Variants in AQR observed in about 807,000 individuals in gnomAD.
AQR encodes the protein aquarius intron-binding spliceosomal factor, also known as RNA helicase aquarius.
AQR carries 61 observed loss-of-function variants against 180.5 expected under a neutral mutation model. The ratio of observed to expected loss-of-function variants is 0.34; its 90% CI spans 0.28 to 0.42. The LOEUF is 0.42. Ranked by LOEUF, AQR falls within the 10% of genes least tolerant of loss-of-function variation. The pLI, the probability that AQR is intolerant of heterozygous loss-of-function variation, is 1.00. For synonymous variants in AQR, 551 were observed against 588.8 expected (o/e 0.94, Z 0.93); for missense variants, 1,281 against 1,798.3 (o/e 0.71, Z 5.20).
At chr15:34,965,445 C>T (rs536085365) in intron 1 of AQR, among the ~76,000 whole-genome samples, 31 of 152,182 alleles carry the variant, frequency 2.0e-4, no homozygotes, top group African/African-American at 6.5e-4. Flanking sequence ...CCGAGGCAGG[C>T]GGATCACCTG....
intron 5 of AQR, among the ~76,000 whole-genome samples, chr15:34,945,084 T>C (rs889034283): frequency 1.3e-5 from 2 of 152,234 alleles, no homozygotes; most frequent in African/African-American, 4.8e-5. Flanking sequence ...GCCTGTTATC[T>C]AAACCGCAAT....
chr15:34,944,193 A>G (rs1410931893), intron 6 of AQR, 95 bp downstream of exon 6: 8 of 1,206,278 alleles, frequency 6.6e-6, no homozygotes, highest in Admixed American at 2.7e-5. Flanking sequence ...GCTATTATGG[A>G]TGAATGGAGT....
At chr15:34,933,672 C>T (rs187330756) in intron 10 of AQR, among the ~76,000 whole-genome samples, 175 of 152,226 alleles carry the variant, frequency 1.1e-3, no homozygotes, top group Admixed American at 1.8e-3. Context: ...AATAACTATA[C>T]TATGTAATGT....
chr15:34,897,502 C>G, intron 21 of AQR, 57 bp downstream of exon 21: 1 of 1,581,930 alleles, frequency 6.3e-7, no homozygotes, highest in Non-Finnish European at 8.7e-7. Flanking sequence ...ATTCCTAATC[C>G]AGTTGAAATG....
chr15:34,969,066 G>A (rs1286990023), intron 1 of AQR, among the ~76,000 whole-genome samples: 2 of 152,128 alleles, frequency 1.3e-5, no homozygotes, highest in African/African-American at 4.8e-5. Context: ...TCTGTTTTTA[G>A]ATAGGTCTAT....
Position 34,931,615 on chromosome 15 carries a change from T to G in AQR, c.900+703A>C, listed in dbSNP as rs545763205. ...CTTAGTTCAGGAGTGTGAGGCCACC[T>G]GGGCAACATGGTGAGACCCTGTCTC... On this transcript the variant is annotated intron_variant, in intron 11 of 34. Transcript: ENST00000156471. Among the ~76,000 whole-genome samples, 6 of 152,284 alleles carry G rather than the reference T, an allele frequency of 3.9e-5. No homozygotes were observed. In the East Asian group the frequency reaches 1.2e-3, roughly 29 times the overall value.
chr15:34,929,827 A>G (rs969407373), intron 12 of AQR, among the ~76,000 whole-genome samples: 3 of 152,362 alleles, frequency 2.0e-5, no homozygotes, highest in Middle Eastern at 3.4e-3. Flanking sequence ...CAAGAACAAG[A>G]TAAGATCAGC....
At chr15:34,879,335 A>C (rs983268396) in intron 27 of AQR, among the ~76,000 whole-genome samples, 21 of 152,198 alleles carry the variant, frequency 1.4e-4, no homozygotes, top group Admixed American at 3.9e-4. Context: ...AACTAGAGTG[A>C]GCGCAGAATG....
At position 34,962,359 on chromosome 15, in the gene AQR, A is replaced by G. The variant is rs113916442; in HGVS notation, c.133-1545T>C. On this transcript the variant is annotated intron_variant, in intron 2 of 34. Coordinates refer to ENST00000156471, the MANE Select transcript of AQR (RefSeq NM_014691.3). Reference sequence around the variant, plus strand: ...TAATTGCTCCAAGTACATTTGTGAAATAAGTATTTGTGAGTGGTAAAGGGA... The same window carrying G: ...TAATTGCTCCAAGTACATTTGTGAAGTAAGTATTTGTGAGTGGTAAAGGGA... Among the ~76,000 whole-genome samples, 25 of 152,300 alleles carry G rather than the reference A, an allele frequency of 1.6e-4. 1 individual carries two copies. Among genetic ancestry groups the G allele is most frequent in the South Asian group, 4.1e-4 (2 of 4,826 alleles).
chr15:34,857,973 GAATT>G (rs1200000934), intron 34 of AQR, among the ~76,000 whole-genome samples: 2 of 152,106 alleles, frequency 1.3e-5, no homozygotes, highest in African/African-American at 4.8e-5. Context: ...TTGAATGAAT[GAATT>G]GATTGATCGA....
chr15:34,964,511 T>C (rs1376341247), intron 1 of AQR: 1 of 639,530 alleles, frequency 1.6e-6, no homozygotes, highest in Admixed American at 2.1e-5. Context: ...GCCATTGTGA[T>C]ATAAACAAAC....
At chr15:34,863,166 T>G (rs1892695624) in intron 32 of AQR, 125 bp from the exon 33 acceptor site, 1 of 870,500 alleles carries the variant, frequency 1.1e-6, no homozygotes, top group African/African-American at 1.7e-5. Context: ...TTAAGCTTCT[T>G]AAAAACTTAA....
intron 15 of AQR, 50 bp from the exon 16 acceptor site, chr15:34,915,229 C>T (rs2044921): frequency 0.071 from 101,491 of 1,423,572 alleles, 4,196 homozygotes; most frequent in Non-Finnish European, 0.077. Flanking sequence ...TTTTTTGAGA[C>T]GGAGTCTCAC....
chr15:34,908,232 A>G (rs1340973022), intron 17 of AQR, among the ~76,000 whole-genome samples: 2 of 152,072 alleles, frequency 1.3e-5, no homozygotes, highest in Non-Finnish European at 2.9e-5. Flanking sequence ...CAGGTGGATC[A>G]CAAGACCAGC....
chr15:34,883,732 G>A (rs1194226662), intron 26 of AQR, among the ~76,000 whole-genome samples: 3 of 152,118 alleles, frequency 2.0e-5, no homozygotes, highest in Admixed American at 6.5e-5. Context: ...TTATAGGACC[G>A]CTGTAATTTT....
At chr15:34,891,638 A>C (rs1285660874) in intron 23 of AQR, among the ~76,000 whole-genome samples, 1 of 152,216 alleles carries the variant, frequency 6.6e-6, no homozygotes, top group Non-Finnish European at 1.5e-5. Flanking sequence ...AGCCATATCA[A>C]GGTATGACAA....
intron 1 of AQR, chr15:34,964,530 T>G: frequency 1.7e-6 from 1 of 598,030 alleles, no homozygotes. Flanking sequence ...ACAAACAAAA[T>G]CCTCTCCAAC....
intron 1 of AQR, among the ~76,000 whole-genome samples, chr15:34,964,856 A>G (rs1017681354): frequency 6.6e-6 from 1 of 152,226 alleles, no homozygotes; most frequent in African/African-American, 2.4e-5. Context: ...AAATTGTGAA[A>G]TTTAAACAAA....
At chr15:34,942,495 T>G (rs1894039639) in intron 6 of AQR, among the ~76,000 whole-genome samples, 1 of 152,212 alleles carries the variant, frequency 6.6e-6, no homozygotes, top group Non-Finnish European at 1.5e-5. Flanking sequence ...TTGGCACGCT[T>G]GTGCTTTTTG....
Sources: allele counts gnomAD v4.1 joint callset (sites outside exome capture counted in the v4.1 genomes callset), GRCh38; gene constraint gnomAD v4.1.1; transcripts MANE v1.5; gene names NCBI Gene and HGNC (gene_info 2026-07-23, HGNC 2026-07-21).